Variants in SNTG1 observed in about 807,000 individuals in gnomAD.
SNTG1 encodes the protein syntrophin gamma 1.
Under a neutral mutation model 74.7 loss-of-function variants are expected in SNTG1, and 39 were observed. That is an observed-to-expected ratio of 0.52 (90% CI 0.40 to 0.68). SNTG1 has a LOEUF of 0.68. Ranked by LOEUF, SNTG1 falls within the 30% of genes least tolerant of loss-of-function variation. SNTG1 has a pLI of 0.00. For synonymous variants in SNTG1, 254 were observed against 217.1 expected, an observed-to-expected ratio of 1.17 and a Z score of -1.49; for missense variants, 685 against 609.5, an observed-to-expected ratio of 1.12 and a Z score of -1.30.
chr8:50,705,197 TATC>T (rs1422827354), intron 16 of SNTG1, among the ~76,000 whole-genome samples: 1 of 152,182 alleles, frequency 6.6e-6, no homozygotes, highest in African/African-American at 2.4e-5. Context: ...TCAAAGGTCA[TATC>T]ATCCAGGAAC....
intron 4 of SNTG1, among the ~76,000 whole-genome samples, chr8:50,432,477 G>C (rs1434985483): frequency 6.6e-6 from 1 of 151,866 alleles, no homozygotes; most frequent in Non-Finnish European, 1.5e-5. Flanking sequence ...TTCTTCTTCA[G>C]TATTGTACTG....
intron 4 of SNTG1, among the ~76,000 whole-genome samples, chr8:50,403,682 GCTA>G (rs1231324755): frequency 6.6e-6 from 1 of 152,174 alleles, no homozygotes; most frequent in East Asian, 1.9e-4. Context: ...AGCTCAGAGT[GCTA>G]GGAATAATGA....
chr8:50,669,631 A>T lies in SNTG1; in HGVS notation c.1038+10968A>T, dbSNP rs574089822. Among the ~76,000 whole-genome samples the T allele has an allele frequency of 3.3e-5, 5 of 152,322 alleles. No individual in the cohort carries two copies. In the East Asian group the frequency reaches 9.6e-4, roughly 29 times the overall value. ...AGAGATACAAGGAGGAACTGGTACC[A>T]TTCCTTCTGAAACTATTCCAATCAA... On this transcript the variant is annotated intron_variant, in intron 15 of 18. Coordinates refer to ENST00000642720, the MANE Select transcript of SNTG1 (RefSeq NM_018967.5).
At chr8:50,148,543 G>T (rs2081952489) in intron 1 of SNTG1, among the ~76,000 whole-genome samples, 1 of 151,952 alleles carries the variant, frequency 6.6e-6, no homozygotes, top group Admixed American at 6.6e-5. Flanking sequence ...ATCTCCTAAT[G>T]ATTTCCCTCC....
At chr8:50,076,728 A>G (rs920060190) in intron 1 of SNTG1, among the ~76,000 whole-genome samples, 3 of 152,126 alleles carry the variant, frequency 2.0e-5, no homozygotes, top group Non-Finnish European at 2.9e-5. Flanking sequence ...CTAAGGTACA[A>G]AATGTTGAGT....
chr8:50,045,411 A>G (rs886266243), intron 1 of SNTG1, among the ~76,000 whole-genome samples: 6 of 152,136 alleles, frequency 3.9e-5, no homozygotes, highest in Admixed American at 2.0e-4. Context: ...ATTTTTAAAC[A>G]ACCAATCTCA....
At chr8:50,010,898 C>T (rs895218596) in intron 1 of SNTG1, among the ~76,000 whole-genome samples, 1 of 144,972 alleles carries the variant, frequency 6.9e-6, no homozygotes, top group Non-Finnish European at 1.5e-5. Flanking sequence ...GTTATTTTCT[C>T]TATATTTTAC....
chr8:50,659,176 C>A (rs2095203404), intron 15 of SNTG1, among the ~76,000 whole-genome samples: 1 of 152,042 alleles, frequency 6.6e-6, no homozygotes. Context: ...ATTCGATTGT[C>A]ATATATCAGT....
At chr8:50,736,908 A>C (rs988259774) in intron 17 of SNTG1, among the ~76,000 whole-genome samples, 9 of 152,260 alleles carry the variant, frequency 5.9e-5, no homozygotes, top group Non-Finnish European at 1.3e-4. Context: ...GAGGCAGCTA[A>C]AGCAGTGTTT....
chr8:50,402,976 C>A (rs1195840807), intron 4 of SNTG1, among the ~76,000 whole-genome samples: 2 of 152,192 alleles, frequency 1.3e-5, no homozygotes, highest in East Asian at 1.9e-4. Context: ...CATGTCGAGG[C>A]AGCATAGCTA....
intron 1 of SNTG1, among the ~76,000 whole-genome samples, chr8:50,055,884 C>T (rs1230907927): frequency 6.6e-6 from 1 of 151,956 alleles, no homozygotes; most frequent in Non-Finnish European, 1.5e-5. Context: ...ACTTAATAGG[C>T]CCTGTTTTTC....
chr8:50,587,189 T>C (rs2094655442), intron 12 of SNTG1, among the ~76,000 whole-genome samples: 1 of 151,742 alleles, frequency 6.6e-6, no homozygotes, highest in Non-Finnish European at 1.5e-5. Context: ...TACATACACA[T>C]ATATGCATAC....
chr8:50,206,984 A>G (rs1563739516), intron 2 of SNTG1, among the ~76,000 whole-genome samples: 1 of 151,890 alleles, frequency 6.6e-6, no homozygotes, highest in East Asian at 1.9e-4. Context: ...TTTATTGAGG[A>G]TTTTTGCATT....
At chr8:50,427,175 G>A (rs1004990610) in intron 4 of SNTG1, among the ~76,000 whole-genome samples, 3 of 152,006 alleles carry the variant, frequency 2.0e-5, no homozygotes, top group African/African-American at 4.8e-5. Context: ...AAAAATCAAT[G>A]TTATTTCTTA....
At chr8:50,431,110 A>G (rs2093230401) in intron 4 of SNTG1, among the ~76,000 whole-genome samples, 1 of 152,206 alleles carries the variant, frequency 6.6e-6, no homozygotes, top group African/African-American at 2.4e-5. Flanking sequence ...AGTGTCACAG[A>G]CTGCATTCCT....
intron 13 of SNTG1, among the ~76,000 whole-genome samples, chr8:50,645,911 G>T (rs1253125221): frequency 6.6e-6 from 1 of 152,102 alleles, no homozygotes; most frequent in Non-Finnish European, 1.5e-5. Flanking sequence ...GTGTCTCGGA[G>T]GGGATGCACA....
At chr8:50,235,155 T>G (rs2085824212) in intron 2 of SNTG1, among the ~76,000 whole-genome samples, 1 of 152,128 alleles carries the variant, frequency 6.6e-6, no homozygotes, top group Non-Finnish European at 1.5e-5. Context: ...TCATGTTCAT[T>G]GCAGCTGTAT....
intron 4 of SNTG1, among the ~76,000 whole-genome samples, chr8:50,423,877 G>A (rs1483423375): frequency 1.3e-5 from 2 of 152,120 alleles, no homozygotes; most frequent in Non-Finnish European, 2.9e-5. Flanking sequence ...ATCGCGTTAG[G>A]GAGCCGACAT....
intron 18 of SNTG1, among the ~76,000 whole-genome samples, chr8:50,768,590 T>C (rs2095619489): frequency 6.6e-6 from 1 of 152,100 alleles, no homozygotes; most frequent in East Asian, 1.9e-4. Flanking sequence ...AAATAAAGGA[T>C]CAGCTTTCAG....
Sources: allele counts gnomAD v4.1 joint callset (sites outside exome capture counted in the v4.1 genomes callset), GRCh38; gene constraint gnomAD v4.1.1; transcripts MANE v1.5; gene names NCBI Gene and HGNC (gene_info 2026-07-23, HGNC 2026-07-21).